Variants in HLA-DQA2 observed in about 807,000 individuals in gnomAD.
HLA-DQA2 encodes HLA class II histocompatibility antigen, DQ alpha 2 chain.
In HLA-DQA2, 17 loss-of-function variants were observed where a neutral mutation model predicts 21.0. The ratio of observed to expected loss-of-function variants is 0.81; its 90% CI spans 0.56 to 1.22. The LOEUF (loss-of-function observed/expected upper bound fraction) is 1.22, where lower values mean the gene tolerates loss of function less well. Ranked by LOEUF, HLA-DQA2 falls within the 50% of genes most tolerant of loss-of-function variation. The pLI is 0.00. For missense variants in HLA-DQA2, 239 were observed against 308.8 expected, an observed-to-expected ratio of 0.77 and a Z score of 1.69; for synonymous variants, 81 against 116.5, an observed-to-expected ratio of 0.70 and a Z score of 1.96.
chr6:32,746,633 A>G lies in HLA-DQA2; in HGVS notation c.*72A>G, dbSNP rs1335925895. Reference sequence around the variant, plus strand: ...GAATGGACTTGCTAAATGACCTAGCACTATTCTCTGGCCTGATTTATCATA... The same window carrying G: ...GAATGGACTTGCTAAATGACCTAGCGCTATTCTCTGGCCTGATTTATCATA... On this transcript the variant is annotated 3_prime_UTR_variant, in exon 5 of 5. Coordinates refer to ENST00000374940, the MANE Select transcript of HLA-DQA2 (RefSeq NM_020056.5). 1 of 702,658 alleles carries G rather than the reference A, an allele frequency of 1.4e-6. No individual in the cohort carries two copies. Among genetic ancestry groups the G allele is most frequent in the African/African-American group, 1.7e-5 (1 of 57,264 alleles). The allele number at this position is 702,658 out of a possible 1,614,324, so 43.5% of individuals were successfully genotyped here.
chr6:32,743,361 C>G (rs1440189165), intron 1 of HLA-DQA2, among the ~76,000 whole-genome samples: 1 of 152,228 alleles, frequency 6.6e-6, no homozygotes, highest in Non-Finnish European at 1.5e-5. Context: ...CAGTCTTCCC[C>G]AAAATCTATG....
chr6:32,746,524 A>G, intron 4 of HLA-DQA2, 58 bp from the exon 5 acceptor site: 1 of 1,292,802 alleles, frequency 7.7e-7, no homozygotes, highest in Non-Finnish European at 1.1e-6. Flanking sequence ...GGGAAGTGGC[A>G]TGATGATCAC....
intron 1 of HLA-DQA2, among the ~76,000 whole-genome samples, chr6:32,744,265 G>T (rs895410912): frequency 6.8e-6 from 1 of 147,956 alleles, no homozygotes; most frequent in Non-Finnish European, 1.5e-5. Flanking sequence ...AAAATGTCCA[G>T]TTCGGCTCAT....
chr6:32,746,447 A>T (rs984354852), intron 4 of HLA-DQA2, 33 bp downstream of exon 4: 11 of 1,443,522 alleles, frequency 7.6e-6, no homozygotes, highest in Non-Finnish European at 1.0e-5. Context: ...CTGAAACCTC[A>T]GTATGAGAGG....
intron 1 of HLA-DQA2, among the ~76,000 whole-genome samples, chr6:32,744,005 A>G (rs2227127): frequency 0.38 from 57,104 of 152,006 alleles, 11,947 homozygotes; most frequent in East Asian, 0.61. Flanking sequence ...ATGAAAGGAA[A>G]TGTAGTTTGG....
chr6:32,742,780 C>T (rs28371355), intron 1 of HLA-DQA2, among the ~76,000 whole-genome samples: 7,599 of 151,974 alleles, frequency 0.05, 243 homozygotes, highest in Admixed American at 0.075. Flanking sequence ...GAAGGGGACC[C>T]TCCAAACTGT....
chr6:32,744,839 C>T (rs990446998), intron 1 of HLA-DQA2, among the ~76,000 whole-genome samples: 6 of 146,180 alleles, frequency 4.1e-5, no homozygotes, highest in Non-Finnish European at 7.5e-5. Context: ...TATGATAACT[C>T]ATTCATTCCT....
At chr6:32,745,694 T>G (rs34299611) in intron 2 of HLA-DQA2, 97 bp from the exon 3 acceptor site, 2 of 1,318,322 alleles carry the variant, frequency 1.5e-6, no homozygotes, top group Non-Finnish European at 2.1e-6. Flanking sequence ...GACTATCAGG[T>G]GGTGAAATGC....
In HLA-DQA2 at chr6:32,743,610, C is replaced by T. The variant is rs538929760; in HGVS notation, c.83-1549C>T. On this transcript the variant is annotated intron_variant, in intron 1 of 4. Coordinates refer to ENST00000374940, the MANE Select transcript of HLA-DQA2 (RefSeq NM_020056.5). ...CCAGCTGGGCCAGTAGAGTGATGTC[C>T]TCCAGCAACACTTAGCACCCAGGAC... is the stretch of plus-strand genomic sequence containing the variant. 1.0e-3 allele frequency among the ~76,000 whole-genome samples: 152 copies of T among 147,892 alleles called. 1 individual carries two copies. The highest frequency in any genetic ancestry group is 7.2e-3 in the South Asian group (34 of 4,728).
rs1337652603 is a variant in HLA-DQA2, at chr6:32,745,937, G to A, written c.478G>A (p.Glu160Lys). 6.2e-7 allele frequency: 1 copy of A among 1,613,188 alleles called. No homozygotes were observed. The highest frequency in any genetic ancestry group is 1.1e-5 in the South Asian group (1 of 91,088). Residue 160 changes from glutamate to lysine, a missense_variant, in exon 3 of 5, where the codon GAG becomes AAG. Glu to Lys is a moderately conservative substitution (Grantham distance 56, BLOSUM62 1). Coordinates refer to ENST00000374940, the MANE Select transcript of HLA-DQA2 (RefSeq NM_020056.5). ...NGHSVTEGVS[E>K]TSFLSKSDHS... is the part of the protein sequence containing the mutation. Reference sequence around the variant, plus strand: ...GCACTCAGTCACAGAAGGTGTTTCTGAGACCAGCTTCCTCTCCAAGAGTGA... The same window carrying A: ...GCACTCAGTCACAGAAGGTGTTTCTAAGACCAGCTTCCTCTCCAAGAGTGA...
intron 1 of HLA-DQA2, among the ~76,000 whole-genome samples, chr6:32,742,218 T>C (rs1763258070): frequency 6.6e-6 from 1 of 152,246 alleles, no homozygotes; most frequent in Non-Finnish European, 1.5e-5. Context: ...TTATTCCTAT[T>C]ACAGGTATAA....
chr6:32,744,494 A>G (rs1763426667), intron 1 of HLA-DQA2, among the ~76,000 whole-genome samples: 1 of 152,194 alleles, frequency 6.6e-6, no homozygotes, highest in South Asian at 2.1e-4. Flanking sequence ...TCATTTCAGA[A>G]GAAATCAGGT....
intron 1 of HLA-DQA2, among the ~76,000 whole-genome samples, chr6:32,742,386 G>A (rs1763268260): frequency 8.9e-6 from 1 of 112,374 alleles, no homozygotes; most frequent in Non-Finnish European, 1.9e-5. Flanking sequence ...AGAAAAATGG[G>A]CAGGCACAGA....
At chr6:32,746,166 C>T (rs1288822909) in intron 3 of HLA-DQA2, 74 bp from the exon 4 acceptor site, 11 of 1,590,698 alleles carry the variant, frequency 6.9e-6, no homozygotes, top group Non-Finnish European at 9.4e-6. Flanking sequence ...AGCCAGCCCT[C>T]CACCCCATCC....
rs760958697 is a variant in HLA-DQA2, at chr6:32,745,248, T to A, written c.172T>A (p.Phe58Ile). 3.7e-6 allele frequency: 6 copies of A among 1,613,842 alleles called. No individual in the cohort carries two copies. In the South Asian group the frequency reaches 5.5e-5, roughly 15 times the overall value. ...CCATGAATTTGATGGAGACGAGGAG[T>A]TCTATGTGGACCTGGAGACGAAAGA... ...YTHEFDGDEE[F>I]YVDLETKETV... The change falls in exon 2 of 5, where the codon TTC (phenylalanine) becomes ATC (isoleucine). Residue 58 changes from phenylalanine (F) to isoleucine (I), a missense_variant. Physicochemically the swap from Phe to Ile is conservative, Grantham distance 21 (BLOSUM62 0). Coordinates refer to ENST00000374940, the MANE Select transcript of HLA-DQA2 (RefSeq NM_020056.5).
In HLA-DQA2 at chr6:32,746,268, G is replaced by A. The variant is rs1330673300; in HGVS notation, c.642G>A (p.Glu214=). The A allele has an allele frequency of 1.2e-6, 2 of 1,613,092 alleles. No homozygotes were observed. Among genetic ancestry groups the A allele is most frequent in the African/African-American group, 1.3e-5 (1 of 75,044 alleles). The change falls in exon 4 of 5, where the codon GAG becomes GAA. Residue 214 remains glutamate, a synonymous_variant. Coordinates refer to ENST00000374940, the MANE Select transcript of HLA-DQA2 (RefSeq NM_020056.5). ...CTGAGATTCCAGCCCCTATGTCAGAGCTCACAGAGACTTTGGTCTGCGCCC... is the reference window on the plus strand; with the variant it reads ...CTGAGATTCCAGCCCCTATGTCAGAACTCACAGAGACTTTGGTCTGCGCCC... ...WEPEIPAPMS[E]LTETLVCALG...
At position 32,741,436 on chromosome 6, in the gene HLA-DQA2, GGAA is replaced by G. The variant is rs747090472; in HGVS notation, c.-2_1del. 4.3e-6 allele frequency: 7 copies of G among 1,613,328 alleles called. No individual in the cohort carries two copies. In the South Asian group the frequency reaches 6.6e-5, roughly 15 times the overall value. ...AGCAGCAACTGCTGAGGCTGCCTTG[GGAA>G]GAAGATGATCCTAAACAAAGCTCTG... On this transcript the variant is annotated 5_prime_UTR_variant, in exon 1 of 5. Transcript: ENST00000374940.
chr6:32,745,415 T>C lies in HLA-DQA2; in HGVS notation c.331+8T>C. ...CTACCGCTGCCACCAATGGTACGTG[T>C]CCACCATTCCGCCTCTCTTTACTGA... On this transcript the variant is annotated splice_region_variant and intron_variant, in intron 2 of 4. Transcript: ENST00000374940. 6.2e-7 allele frequency: 1 copy of C among 1,609,068 alleles called. No homozygotes were observed.
intron 1 of HLA-DQA2, among the ~76,000 whole-genome samples, chr6:32,744,501 A>G (rs1242201619): frequency 6.6e-6 from 1 of 152,238 alleles, no homozygotes; most frequent in African/African-American, 2.4e-5. Flanking sequence ...AGAAGAAATC[A>G]GGTGCTCTCC....
Sources: gnomAD v4.1 joint callset for allele counts (sites outside exome capture counted in the v4.1 genomes callset) on GRCh38, gnomAD v4.1.1 for gene constraint, MANE v1.5 for transcripts, NCBI Gene and HGNC (gene_info 2026-07-23, HGNC 2026-07-21) for gene names.